TFEC: variants seen among roughly 807,000 people sequenced by gnomAD.
TFEC encodes transcription factor EC, also known as class E basic helix-loop-helix protein 34.
A neutral mutation model predicts 41.6 loss-of-function variants in TFEC; 31 were observed. The observed-to-expected ratio is 0.74, with a 90% CI of 0.56 to 1.01. The LOEUF (loss-of-function observed/expected upper bound fraction) is 1.01. Among genes scored for constraint, TFEC ranks in the 50% least tolerant of loss-of-function variants. The pLI is 0.00. For missense variants in TFEC, 402 were observed against 404.1 expected (o/e 0.99, Z 0.04); for synonymous variants, 143 against 140.6 (o/e 1.02, Z -0.12).
chr7:116,005,478 C>T (rs536848185), intron 1 of TFEC, among the ~76,000 whole-genome samples: 1 of 152,212 alleles, frequency 6.6e-6, no homozygotes, highest in East Asian at 1.9e-4. Flanking sequence ...TTTGCCCCTG[C>T]TGTAGAGATT....
At chr7:116,003,602 A>G (rs576903998) in intron 1 of TFEC, among the ~76,000 whole-genome samples, 1 of 152,262 alleles carries the variant, frequency 6.6e-6, no homozygotes, top group South Asian at 2.1e-4. Context: ...ATCAGTATGG[A>G]GATAGTTAAA....
At position 116,087,261 on chromosome 7, in the gene TFEC, A is replaced by G. The variant is rs139578470; in HGVS notation, c.198+23447T>C. 1.7e-3 allele frequency among the ~76,000 whole-genome samples: 259 copies of G among 152,152 alleles called. 1 individual carries two copies. Among genetic ancestry groups the G allele is most frequent in the African/African-American group, 6.0e-3 (249 of 41,558 alleles). On this transcript the variant is annotated intron_variant, in intron 3 of 8. Transcript: ENST00000484212. ...ATAAAAAACTCTTAAATATTTTACT[A>G]GAGCATTTCATATATTAAATGAAGT...
intron 3 of TFEC, among the ~76,000 whole-genome samples, chr7:115,961,343 A>G (rs1017115371): frequency 1.1e-4 from 16 of 151,804 alleles, no homozygotes; most frequent in Admixed American, 5.3e-4. Context: ...AGATGAAATC[A>G]TAGTGGAATT....
intron 3 of TFEC, among the ~76,000 whole-genome samples, chr7:116,043,103 T>C (rs144294409): frequency 2.0e-5 from 3 of 152,192 alleles, no homozygotes; most frequent in Non-Finnish European, 4.4e-5. Context: ...ATCAAAGAAC[T>C]AGTGGCAACA....
intron 1 of TFEC, chr7:116,117,536 C>T (rs542108015): frequency 6.6e-6 from 1 of 151,776 alleles, no homozygotes; most frequent in Non-Finnish European, 1.5e-5. Context: ...AAGCAGGAAC[C>T]TCTCTTATCC....
chr7:115,989,929 C>T (rs997143385), intron 1 of TFEC, among the ~76,000 whole-genome samples: 2 of 152,228 alleles, frequency 1.3e-5, no homozygotes, highest in East Asian at 1.9e-4. Context: ...ACTGCCTCTT[C>T]AAGTGGGTCC....
At chr7:115,946,333 T>A (rs74845741) in intron 6 of TFEC, among the ~76,000 whole-genome samples, 2,244 of 151,054 alleles carry the variant, frequency 0.015, 57 homozygotes, top group African/African-American at 0.051. Flanking sequence ...ATTGTTGAAT[T>A]GTCCAAATAA....
chr7:116,037,916 C>A (rs1020204994), intron 3 of TFEC, among the ~76,000 whole-genome samples: 2 of 152,042 alleles, frequency 1.3e-5, no homozygotes, highest in African/African-American at 4.8e-5. Flanking sequence ...GTGCATATCA[C>A]TATACAATTG....
upstream of TFEC, among the ~76,000 whole-genome samples, chr7:116,031,693 T>C (rs974312347): frequency 6.6e-6 from 1 of 152,182 alleles, no homozygotes; most frequent in Non-Finnish European, 1.5e-5. Context: ...TGCAATTAAA[T>C]TGACATTTGT....
intron 1 of TFEC, among the ~76,000 whole-genome samples, chr7:116,115,243 C>T (rs1027412050): frequency 3.5e-4 from 53 of 152,024 alleles, no homozygotes; most frequent in Admixed American, 1.6e-3. Context: ...TGGATACAAA[C>T]TACACTCGTT....
At chr7:116,119,692 T>G (rs1446823597) in intron 1 of TFEC, among the ~76,000 whole-genome samples, 1 of 151,786 alleles carries the variant, frequency 6.6e-6, no homozygotes, top group African/African-American at 2.4e-5. Flanking sequence ...ATGTAAAAAT[T>G]TGAACAATTT....
At chr7:116,044,528 T>C (rs1429513865) in intron 3 of TFEC, among the ~76,000 whole-genome samples, 1 of 152,216 alleles carries the variant, frequency 6.6e-6, no homozygotes, top group Non-Finnish European at 1.5e-5. Flanking sequence ...AGAACAGAAG[T>C]TTATTTTCTT....
chr7:116,129,910 CCTATCACCATAAACTTT>C (rs1009672311), intron 1 of TFEC, among the ~76,000 whole-genome samples: 15 of 152,058 alleles, frequency 9.9e-5, no homozygotes, highest in Admixed American at 5.3e-4. Flanking sequence ...GTGGTGGCTT[CCTATCACCATAAACTTT>C]CTATCACCAT....
chr7:115,977,538 T>C (rs1793438897), intron 2 of TFEC, among the ~76,000 whole-genome samples: 1 of 151,772 alleles, frequency 6.6e-6, no homozygotes, highest in Non-Finnish European at 1.5e-5. Context: ...AATTAAATTC[T>C]TTTTGGATAT....
At chr7:116,091,514 C>T (rs1464775) in intron 3 of TFEC, among the ~76,000 whole-genome samples, 23,709 of 152,080 alleles carry the variant, frequency 0.16, 2,007 homozygotes, top group East Asian at 0.33. Flanking sequence ...AATTCATAAA[C>T]ATCTGTAATA....
chr7:116,152,540 G>A (rs980540572), intron 1 of TFEC, among the ~76,000 whole-genome samples: 1 of 152,210 alleles, frequency 6.6e-6, no homozygotes, highest in African/African-American at 2.4e-5. Context: ...GCAATGACTG[G>A]AAAGGAGCAG....
chr7:116,087,664 T>C (rs1456144064), intron 3 of TFEC, among the ~76,000 whole-genome samples: 1 of 152,078 alleles, frequency 6.6e-6, no homozygotes, highest in Non-Finnish European at 1.5e-5. Flanking sequence ...AGGCTAGCAA[T>C]GGTTTCAGGG....
chr7:116,007,269 C>G (rs1794835053), intron 1 of TFEC, among the ~76,000 whole-genome samples: 2 of 152,182 alleles, frequency 1.3e-5, no homozygotes, highest in African/African-American at 2.4e-5. Flanking sequence ...AGCAGCTAAA[C>G]CAACACAAAG....
At chr7:116,066,082 C>T (rs1310888950) in intron 3 of TFEC, among the ~76,000 whole-genome samples, 1 of 152,198 alleles carries the variant, frequency 6.6e-6, no homozygotes, top group Non-Finnish European at 1.5e-5. Flanking sequence ...CCATTACAGA[C>T]TTGCCCAAGG....
Sources: allele counts gnomAD v4.1 joint callset (sites outside exome capture counted in the v4.1 genomes callset), GRCh38; gene constraint gnomAD v4.1.1; transcripts MANE v1.5; gene names NCBI Gene and HGNC (gene_info 2026-07-23, HGNC 2026-07-21).